NCKAP5: variants seen among roughly 807,000 people sequenced by gnomAD.
NCKAP5 encodes the protein NCK associated protein 5.
NCKAP5 carries 92 observed loss-of-function variants against 167.0 expected under a neutral mutation model. That is an observed-to-expected ratio of 0.55 (90% confidence interval 0.47 to 0.66). The LOEUF (loss-of-function observed/expected upper bound fraction) is 0.66, where lower values mean the gene tolerates loss of function less well. Among genes scored for constraint, NCKAP5 ranks in the 30% least tolerant of loss-of-function variants. The pLI is 0.00. For missense variants in NCKAP5, 2,378 were observed against 2,315.0 expected (o/e 1.03, Z -0.56); for synonymous variants, 891 against 877.4 (o/e 1.02, Z -0.27).
intron 8 of NCKAP5, among the ~76,000 whole-genome samples, chr2:132,948,768 G>A (rs754237587): frequency 6.6e-5 from 10 of 152,074 alleles, no homozygotes; most frequent in African/African-American, 1.7e-4. Flanking sequence ...CAGGTACAGC[G>A]CTCCACCCCT....
intron 3 of NCKAP5, among the ~76,000 whole-genome samples, chr2:133,418,635 C>T (rs1432053924): frequency 6.6e-6 from 1 of 152,158 alleles, no homozygotes; most frequent in Non-Finnish European, 1.5e-5. Flanking sequence ...TACAGCCCAA[C>T]ATCAAGCAAA....
rs1682474502 is a variant in NCKAP5 at position 133,326,641 on chromosome 2, T to A, written c.70-23531A>T. On this transcript the variant is annotated intron_variant, in intron 3 of 19. Transcript: ENST00000409261. Reference sequence around the variant, plus strand: ...CAGAAACCTGGAATTCTGGACATTATGGTTATTAATATAAAGACTCCTATC... The same window carrying A: ...CAGAAACCTGGAATTCTGGACATTAAGGTTATTAATATAAAGACTCCTATC... Among the ~76,000 whole-genome samples the A allele has an allele frequency of 2.1e-5, 3 of 145,482 alleles. No homozygotes were observed. The Admixed American group carries it at 2.2e-4, about 11-fold the overall frequency.
chr2:132,722,199 C>T (rs1355988601), intron 19 of NCKAP5, among the ~76,000 whole-genome samples: 1 of 152,204 alleles, frequency 6.6e-6, no homozygotes, highest in Non-Finnish European at 1.5e-5. Context: ...TAAGTGCCCT[C>T]ATACCCAGGT....
At chr2:133,461,628 C>G (rs1692204265) in intron 3 of NCKAP5, among the ~76,000 whole-genome samples, 1 of 152,106 alleles carries the variant, frequency 6.6e-6, no homozygotes, top group South Asian at 2.1e-4. Context: ...AGGTTGATGC[C>G]CTCCTGGGCT....
chr2:133,177,538 C>T (rs933219599), intron 5 of NCKAP5, among the ~76,000 whole-genome samples: 1 of 152,084 alleles, frequency 6.6e-6, no homozygotes, highest in Non-Finnish European at 1.5e-5. Context: ...GTTAAATAAC[C>T]CTTATCCCAT....
At chr2:133,388,854 C>T (rs1394011093) in intron 3 of NCKAP5, among the ~76,000 whole-genome samples, 1 of 152,222 alleles carries the variant, frequency 6.6e-6, no homozygotes. Flanking sequence ...GATATAATCT[C>T]CTGGTGTGCT....
intron 6 of NCKAP5, among the ~76,000 whole-genome samples, chr2:133,050,678 A>G (rs2079570190): frequency 6.6e-6 from 1 of 152,156 alleles, no homozygotes; most frequent in Admixed American, 6.5e-5. Flanking sequence ...GTCTAGGTAT[A>G]TTTTTCTACA....
chr2:133,127,254 A>G (rs982833635), intron 6 of NCKAP5, among the ~76,000 whole-genome samples: 3 of 152,218 alleles, frequency 2.0e-5, no homozygotes, highest in African/African-American at 7.2e-5. Flanking sequence ...CTTAAAAACC[A>G]AAGTTTAAAC....
rs1220884990 is a variant in NCKAP5, at chr2:132,990,808, G to A, written c.429+3344C>T. Among the ~76,000 whole-genome samples the A allele has an allele frequency of 4.6e-5, 7 of 152,294 alleles. No individual in the cohort carries two copies. In the East Asian group the frequency reaches 1.4e-3, roughly 29 times the overall value. ...CAGCCTGACCAATACTGTTATTTTG[G>A]ACTTTTGACTTTCAGAATTATAAGA... On this transcript the variant is annotated intron_variant, in intron 7 of 19. Coordinates refer to ENST00000409261, the MANE Select transcript of NCKAP5 (RefSeq NM_207363.3).
At chr2:132,897,960 T>C (rs939965533) in intron 8 of NCKAP5, among the ~76,000 whole-genome samples, 15 of 152,192 alleles carry the variant, frequency 9.9e-5, no homozygotes, top group Non-Finnish European at 1.6e-4. Context: ...CTATCGTAAT[T>C]CCTTAAAACA....
At position 133,168,578 on chromosome 2, in the gene NCKAP5, C is replaced by T. The variant is rs556526748; in HGVS notation, c.208-38467G>A. Among the ~76,000 whole-genome samples, 5 of 152,220 alleles carry T rather than the reference C, an allele frequency of 3.3e-5. No individual in the cohort carries two copies. In the East Asian group the frequency reaches 9.7e-4, roughly 29 times the overall value. ...CCTGCTTGACTTTCTAGAGAGCCCA[C>T]CTCCTCTTTCGAGTCAGTAGAGAGT... On this transcript the variant is annotated intron_variant, in intron 5 of 19. Coordinates refer to ENST00000409261, the MANE Select transcript of NCKAP5 (RefSeq NM_207363.3).
At chr2:133,288,724 C>A (rs531331517) in intron 4 of NCKAP5, among the ~76,000 whole-genome samples, 1 of 152,210 alleles carries the variant, frequency 6.6e-6, no homozygotes, top group African/African-American at 2.4e-5. Flanking sequence ...TTCATTACCT[C>A]AGGAAGGTTT....
intron 15 of NCKAP5, among the ~76,000 whole-genome samples, chr2:132,777,658 T>C (rs1042714384): frequency 1.4e-4 from 22 of 152,178 alleles, no homozygotes; most frequent in African/African-American, 5.1e-4. Context: ...GGGCAAAATA[T>C]GCATGTTTCT....
chr2:132,895,829 A>C (rs1269132802), intron 8 of NCKAP5, among the ~76,000 whole-genome samples: 2 of 147,126 alleles, frequency 1.4e-5, no homozygotes, highest in South Asian at 2.1e-4. Flanking sequence ...AAAAAAAAAA[A>C]AAAACAAAAA....
At chr2:133,671,588 C>T in the NCKAP5 span, among the ~76,000 whole-genome samples, 1 of 152,058 alleles carries the variant, frequency 6.6e-6, no homozygotes, top group Non-Finnish European at 1.5e-5. Context: ...TGCTCCACAC[C>T]ACCTCAGGAC....
chr2:133,357,804 G>T (rs1408009857), intron 3 of NCKAP5, among the ~76,000 whole-genome samples: 1 of 152,146 alleles, frequency 6.6e-6, no homozygotes. Context: ...TAGTCCTATT[G>T]TCTTAGAGCA....
chr2:133,156,440 C>T (rs1162453665), intron 5 of NCKAP5, among the ~76,000 whole-genome samples: 1 of 152,152 alleles, frequency 6.6e-6, no homozygotes, highest in Non-Finnish European at 1.5e-5. Context: ...CAGGCATCTC[C>T]AGGTAGCCCA....
the NCKAP5 span, among the ~76,000 whole-genome samples, chr2:133,673,325 A>G: frequency 6.6e-6 from 1 of 152,168 alleles, no homozygotes; most frequent in Non-Finnish European, 1.5e-5. Flanking sequence ...AAATAGTTGC[A>G]TTGGACAGGC....
the NCKAP5 span, among the ~76,000 whole-genome samples, chr2:133,610,331 G>A: frequency 6.6e-6 from 1 of 152,176 alleles, no homozygotes; most frequent in African/African-American, 2.4e-5. Flanking sequence ...AGATGAAGAT[G>A]AATTGGAGCT....
Sources: allele counts gnomAD v4.1 joint callset (sites outside exome capture counted in the v4.1 genomes callset), GRCh38; gene constraint gnomAD v4.1.1; transcripts MANE v1.5; gene names NCBI Gene and HGNC (gene_info 2026-07-23, HGNC 2026-07-21).